The following CPQ variants were observed in gnomAD, a reference collection of about 807,000 sequenced individuals.
The protein encoded by CPQ is carboxypeptidase Q, also known as Ser-Met dipeptidase.
In CPQ, 37 loss-of-function variants were observed where a neutral mutation model predicts 45.7. The observed-to-expected ratio is 0.81, with a 90% CI of 0.62 to 1.07. The LOEUF is 1.07. Among genes scored for constraint, CPQ ranks in the 50% least tolerant of loss-of-function variants. The pLI is 0.00. For missense variants in CPQ, 537 were observed against 572.9 expected, an observed-to-expected ratio of 0.94 and a Z score of 0.64; for synonymous variants, 186 against 205.8, an observed-to-expected ratio of 0.90 and a Z score of 0.82.
intron 7 of CPQ, among the ~76,000 whole-genome samples, chr8:97,125,938 AAAC>A (rs1811839494): frequency 6.6e-6 from 1 of 152,208 alleles, no homozygotes; most frequent in African/African-American, 2.4e-5. Context: ...TATTATGAAT[AAAC>A]AACAGAATTG....
intron 5 of CPQ, among the ~76,000 whole-genome samples, chr8:96,979,051 A>G (rs1813838884): frequency 2.2e-5 from 1 of 45,622 alleles, no homozygotes; most frequent in Non-Finnish European, 4.0e-5. Flanking sequence ...AGGAAGTGGT[A>G]AAAAAAAAAA....
At chr8:97,047,107 A>G (rs1810271539) in intron 6 of CPQ, among the ~76,000 whole-genome samples, 1 of 152,210 alleles carries the variant, frequency 6.6e-6, no homozygotes, top group South Asian at 2.1e-4. Context: ...TCTTGCATCT[A>G]TGTGATCATT....
At chr8:96,860,089 T>A (rs528134396) in intron 3 of CPQ, among the ~76,000 whole-genome samples, 1 of 152,268 alleles carries the variant, frequency 6.6e-6, no homozygotes, top group South Asian at 2.1e-4. Context: ...TTGAGAGTTC[T>A]ATGAACTCTT....
rs559673462 is a variant in CPQ at position 96,831,058 on chromosome 8, G to A, written c.434-3915G>A. ...TTGCAGAGTTGCTGTGAATATTAGT[G>A]TAAATAATGGACATTCAAATATAGC... On this transcript the variant is annotated intron_variant, in intron 2 of 7. Transcript: ENST00000220763. 5.6e-4 allele frequency among the ~76,000 whole-genome samples: 86 copies of A among 152,230 alleles called. No individual in the cohort carries two copies. The South Asian group carries it at 0.014, about 25-fold the overall frequency.
intron 2 of CPQ, among the ~76,000 whole-genome samples, chr8:96,788,828 T>G (rs1357180247): frequency 6.6e-6 from 1 of 152,092 alleles, no homozygotes; most frequent in African/African-American, 2.4e-5. Flanking sequence ...TATTCTTTAT[T>G]TTCTTTGTTC....
chr8:96,849,111 A>C (rs1811738508), intron 3 of CPQ, among the ~76,000 whole-genome samples: 1 of 152,222 alleles, frequency 6.6e-6, no homozygotes, highest in Non-Finnish European at 1.5e-5. Context: ...CTGTGACTTC[A>C]TACATAGATG....
intron 5 of CPQ, among the ~76,000 whole-genome samples, chr8:97,025,827 T>C (rs1398156346): frequency 6.6e-6 from 1 of 152,256 alleles, no homozygotes; most frequent in Non-Finnish European, 1.5e-5. Flanking sequence ...GTTCTATCAT[T>C]TGAAAATGAT....
At chr8:96,888,034 A>G (rs1183237411) in intron 4 of CPQ, among the ~76,000 whole-genome samples, 1 of 152,192 alleles carries the variant, frequency 6.6e-6, no homozygotes, top group Non-Finnish European at 1.5e-5. Context: ...ATTTCTCAAC[A>G]TCATCTCTGT....
At chr8:96,705,473 A>G (rs911293306) in intron 1 of CPQ, among the ~76,000 whole-genome samples, 5 of 152,188 alleles carry the variant, frequency 3.3e-5, no homozygotes, top group African/African-American at 4.8e-5. Context: ...CCTTTTGTCT[A>G]TAACTGTGAA....
chr8:96,855,496 A>G (rs975697353), intron 3 of CPQ, among the ~76,000 whole-genome samples: 2 of 152,322 alleles, frequency 1.3e-5, no homozygotes, highest in African/African-American at 2.4e-5. Context: ...GAATTCATTC[A>G]TCCATTCATT....
intron 4 of CPQ, among the ~76,000 whole-genome samples, chr8:96,918,940 G>A (rs1214872950): frequency 1.3e-5 from 2 of 152,082 alleles, no homozygotes; most frequent in Non-Finnish European, 2.9e-5. Context: ...TTAGTGGTAT[G>A]TGGTACCTCT....
intron 7 of CPQ, among the ~76,000 whole-genome samples, chr8:97,095,323 C>T (rs1811192300): frequency 6.6e-6 from 1 of 152,188 alleles, no homozygotes; most frequent in African/African-American, 2.4e-5. Context: ...CCAAGTCGCT[C>T]AAACCTGAAA....
chr8:96,805,789 C>G (rs1484545406), intron 2 of CPQ, among the ~76,000 whole-genome samples: 1 of 151,918 alleles, frequency 6.6e-6, no homozygotes, highest in Non-Finnish European at 1.5e-5. Flanking sequence ...TTCCCTCATG[C>G]AGATTTGGTC....
chr8:97,052,953 G>T (rs536857509), intron 6 of CPQ, among the ~76,000 whole-genome samples: 2 of 152,296 alleles, frequency 1.3e-5, no homozygotes, highest in Non-Finnish European at 2.9e-5. Flanking sequence ...AACTTTAATT[G>T]TGGAACTGTA....
At chr8:96,920,416 G>T (rs187204488) in intron 4 of CPQ, among the ~76,000 whole-genome samples, 1 of 152,112 alleles carries the variant, frequency 6.6e-6, no homozygotes, top group Admixed American at 6.6e-5. Flanking sequence ...TTTGGTAATG[G>T]ACTTGTTTTC....
chr8:96,695,580 A>C (rs1262723295), intron 1 of CPQ, among the ~76,000 whole-genome samples: 2 of 152,312 alleles, frequency 1.3e-5, no homozygotes, highest in East Asian at 1.9e-4. Flanking sequence ...CAATGAACTC[A>C]AACAAATTTA....
intron 4 of CPQ, among the ~76,000 whole-genome samples, chr8:96,959,832 C>T (rs752309428): frequency 2.1e-5 from 3 of 145,632 alleles, no homozygotes; most frequent in Non-Finnish European, 4.5e-5. Flanking sequence ...TTAAAAGACA[C>T]CAAGTAAAAT....
intron 7 of CPQ, among the ~76,000 whole-genome samples, chr8:97,104,702 A>G (rs1811374800): frequency 6.6e-6 from 1 of 152,124 alleles, no homozygotes. Context: ...GGCCATCACA[A>G]AGATTCCACA....
At chr8:97,051,593 A>T (rs1810363607) in intron 6 of CPQ, among the ~76,000 whole-genome samples, 1 of 152,190 alleles carries the variant, frequency 6.6e-6, no homozygotes, top group Admixed American at 6.5e-5. Flanking sequence ...AGGTTAGTAA[A>T]AATAAAGATG....
Sources: allele counts gnomAD v4.1 joint callset (sites outside exome capture counted in the v4.1 genomes callset), GRCh38; gene constraint gnomAD v4.1.1; transcripts MANE v1.5; gene names NCBI Gene and HGNC (gene_info 2026-07-23, HGNC 2026-07-21).